Variants in CNTNAP4 observed in about 807,000 individuals in gnomAD.
CNTNAP4 encodes contactin-associated protein-like 4.
Under a neutral mutation model 148.4 loss-of-function variants are expected in CNTNAP4, and 98 were observed. The ratio of observed to expected loss-of-function variants is 0.66; its 90% CI spans 0.56 to 0.78. The LOEUF (loss-of-function observed/expected upper bound fraction) is 0.78, where lower values mean the gene tolerates loss of function less well. Ranked by LOEUF, CNTNAP4 falls within the 30% of genes least tolerant of loss-of-function variation. The probability of loss-of-function intolerance (pLI) is 0.00; values close to 1 mark genes in which losing one functional copy is unlikely to be tolerated. For missense variants in CNTNAP4, 1,935 were observed against 1,565.6 expected (o/e 1.24, Z -3.98); for synonymous variants, 730 against 565.1 (o/e 1.29, Z -4.14).
intron 1 of CNTNAP4, among the ~76,000 whole-genome samples, chr16:76,304,115 G>A (rs1272614616): frequency 6.6e-6 from 1 of 152,022 alleles, no homozygotes; most frequent in African/African-American, 2.4e-5. Context: ...TTTATCTGCT[G>A]ACTCATTTAA....
chr16:76,365,030 C>A (rs1345516031), intron 3 of CNTNAP4, among the ~76,000 whole-genome samples: 1 of 152,088 alleles, frequency 6.6e-6, no homozygotes, highest in Non-Finnish European at 1.5e-5. Context: ...AGTCTTTAAT[C>A]CATCTTGAGT....
intron 23 of CNTNAP4, chr16:76,557,407 C>T (rs1011959644): frequency 2.6e-5 from 4 of 152,162 alleles, no homozygotes; most frequent in African/African-American, 4.8e-5. Context: ...CAAAGGTTCA[C>T]GTAAGTGCTT....
At chr16:76,376,271 A>G (rs142804801) in intron 3 of CNTNAP4, among the ~76,000 whole-genome samples, 1 of 152,226 alleles carries the variant, frequency 6.6e-6, no homozygotes, top group African/African-American at 2.4e-5. Context: ...TAGATGTCTC[A>G]CTGAGTGCAG....
intron 3 of CNTNAP4, among the ~76,000 whole-genome samples, chr16:76,366,528 C>G (rs1247061328): frequency 1.3e-5 from 2 of 152,138 alleles, no homozygotes; most frequent in African/African-American, 4.8e-5. Flanking sequence ...TTTATCCAGT[C>G]TTTCATTGAT....
At chr16:76,429,891 CAAACTT>C (rs557836480) in intron 4 of CNTNAP4, among the ~76,000 whole-genome samples, 2 of 152,172 alleles carry the variant, frequency 1.3e-5, no homozygotes, top group African/African-American at 2.4e-5. Context: ...ATTTTAAACT[CAAACTT>C]AAACACATAT....
chr16:76,440,838 T>G (rs530369935), intron 4 of CNTNAP4, among the ~76,000 whole-genome samples: 5 of 152,208 alleles, frequency 3.3e-5, no homozygotes, highest in Admixed American at 1.3e-4. Flanking sequence ...AGTAATTCAC[T>G]TGGGGGTGAG....
chr16:76,368,004 A>T (rs1340828991), intron 3 of CNTNAP4, among the ~76,000 whole-genome samples: 1 of 152,196 alleles, frequency 6.6e-6, no homozygotes, highest in Non-Finnish European at 1.5e-5. Context: ...GTGGGAGCCC[A>T]GATTTTTAAA....
intron 4 of CNTNAP4, among the ~76,000 whole-genome samples, chr16:76,438,090 C>G (rs952120630): frequency 2.6e-4 from 40 of 152,052 alleles, no homozygotes; most frequent in Admixed American, 2.5e-3. Flanking sequence ...TACCAAAGGA[C>G]CAGCAGAAAA....
intron 4 of CNTNAP4, among the ~76,000 whole-genome samples, chr16:76,444,941 A>C (rs552131628): frequency 6.6e-6 from 1 of 152,136 alleles, no homozygotes; most frequent in East Asian, 1.9e-4. Context: ...GTCTTTCTGT[A>C]CTTTGTTCCT....
intron 5 of CNTNAP4, 80 bp from the exon 6 acceptor site, chr16:76,448,687 T>C (rs2080341542): frequency 8.0e-6 from 8 of 1,005,870 alleles, no homozygotes; most frequent in Non-Finnish European, 1.1e-5. Context: ...TTATGAAAGA[T>C]GGTGGTCCAC....
In CNTNAP4 at chr16:76,350,970, G is replaced by A. The variant is rs777543269; in HGVS notation, c.197-4348G>A. Among the ~76,000 whole-genome samples, 108 of 152,208 alleles carry A rather than the reference G, an allele frequency of 7.1e-4. No individual in the cohort carries two copies. In the Middle Eastern group the frequency reaches 0.014, roughly 19 times the overall value. On this transcript the variant is annotated intron_variant, in intron 2 of 23. Transcript: ENST00000611870. ...AAACCTGCAGTATGGGGACAAATAGGAACTGGTGGGGGCAAGACTCTTGTT... is the reference window on the plus strand; with the variant it reads ...AAACCTGCAGTATGGGGACAAATAGAAACTGGTGGGGGCAAGACTCTTGTT...
chr16:76,522,686 CCTTTCTTTTCTTTTCTTTTCTTTT>C (rs1355951737), intron 17 of CNTNAP4, among the ~76,000 whole-genome samples: 923 of 79,626 alleles, frequency 0.012, 127 homozygotes, highest in African/African-American at 0.033. Context: ...CTCTTTCTCT[CCTTTCTTTTCTTTTCTTTTCTTTT>C]CTTTTCTTTT....
At chr16:76,494,764 C>G in intron 13 of CNTNAP4, 146 bp from the exon 14 acceptor site, 3 of 787,198 alleles carry the variant, frequency 3.8e-6, no homozygotes, top group South Asian at 5.5e-5. Flanking sequence ...AGCAATCATA[C>G]TGTTTTGCAT....
chr16:76,463,837 C>T (rs954898957), intron 9 of CNTNAP4, among the ~76,000 whole-genome samples: 6 of 152,080 alleles, frequency 3.9e-5, no homozygotes, highest in African/African-American at 1.4e-4. Context: ...AATTTTACAT[C>T]TATTAAGGTG....
chr16:76,374,530 AGG>A (rs2015206356), intron 3 of CNTNAP4, among the ~76,000 whole-genome samples: 1 of 152,116 alleles, frequency 6.6e-6, no homozygotes, highest in Non-Finnish European at 1.5e-5. Flanking sequence ...GAACAATGAT[AGG>A]TAAATAATGA....
intron 3 of CNTNAP4, among the ~76,000 whole-genome samples, chr16:76,398,383 T>A (rs534750619): frequency 1.3e-5 from 2 of 152,170 alleles, no homozygotes; most frequent in African/African-American, 2.4e-5. Context: ...TCACAATACA[T>A]GAGAATCATC....
At chr16:76,475,166 G>A (rs947677893) in intron 10 of CNTNAP4, among the ~76,000 whole-genome samples, 5 of 148,812 alleles carry the variant, frequency 3.4e-5, no homozygotes, top group Non-Finnish European at 7.4e-5. Context: ...AACAGAGTGA[G>A]CAGCTGTCTC....
At chr16:76,365,055 G>A (rs2013943569) in intron 3 of CNTNAP4, among the ~76,000 whole-genome samples, 1 of 152,150 alleles carries the variant, frequency 6.6e-6, no homozygotes, top group South Asian at 2.1e-4. Context: ...TTTTGCATAA[G>A]GTGTGAGGAA....
Position 76,415,378 on chromosome 16 carries a change from C to A in CNTNAP4, c.391-12074C>A, listed in dbSNP as rs1038542410. On this transcript the variant is annotated intron_variant, in intron 3 of 23. Coordinates refer to ENST00000611870, the MANE Select transcript of CNTNAP4 (RefSeq NM_033401.5). ...TAAATAGAACTTAAAATGAGCATATCTAACATAATTTATAAGTTCTGCAAT... is the reference window on the plus strand; with the variant it reads ...TAAATAGAACTTAAAATGAGCATATATAACATAATTTATAAGTTCTGCAAT... Among the ~76,000 whole-genome samples, 23 of 151,034 alleles carry A rather than the reference C, an allele frequency of 1.5e-4. 1 individual carries two copies. The highest frequency in any genetic ancestry group is 5.6e-4 in the African/African-American group (23 of 41,378).
Sources: gnomAD v4.1 joint callset for allele counts (sites outside exome capture counted in the v4.1 genomes callset) on GRCh38, gnomAD v4.1.1 for gene constraint, MANE v1.5 for transcripts, NCBI Gene and HGNC (gene_info 2026-07-23, HGNC 2026-07-21) for gene names.